The following FREM2 variants were observed in gnomAD, a reference collection of about 807,000 sequenced individuals.
FREM2 encodes FRAS1-related extracellular matrix protein 2.
Under a neutral mutation model 219.9 loss-of-function variants are expected in FREM2, and 119 were observed. That is an observed-to-expected ratio of 0.54 (90% CI 0.47 to 0.63). FREM2 has a LOEUF of 0.63. FREM2 is among the 30% of genes least tolerant of loss of function. The probability of loss-of-function intolerance (pLI) is 0.00; values close to 1 mark genes in which losing one functional copy is unlikely to be tolerated. For synonymous variants in FREM2, 1,562 were observed against 1,522.8 expected (o/e 1.03, Z -0.60); for missense variants, 4,030 against 3,993.6 (o/e 1.01, Z -0.25).
At chr13:38,877,350 T>C in intron 21 of FREM2, 107 bp downstream of exon 21, 1 of 1,270,414 alleles carries the variant, frequency 7.9e-7, no homozygotes, top group South Asian at 1.2e-5. Context: ...TTTTTTATGG[T>C]TTTGAGAATG....
chr13:38,697,699 T>C lies in FREM2; in HGVS notation c.5175T>C (p.Ala1725=), dbSNP rs769034103. ...TCTTGTTTTTTGGTTATTTTCTAGCTGACATTGATGACATGAAAATATGCT... is the reference window on the plus strand; with the variant it reads ...TCTTGTTTTTTGGTTATTTTCTAGCCGACATTGATGACATGAAAATATGCT... ...GNHSITQFTQ[A]DIDDMKICYV... Residue 1725 remains alanine (A), a splice_region_variant and synonymous_variant, in exon 2 of 24, where the codon GCT becomes GCC. Coordinates refer to ENST00000280481, the MANE Select transcript of FREM2 (RefSeq NM_207361.6). 7 of 1,562,972 alleles carry C rather than the reference T, an allele frequency of 4.5e-6. No homozygotes were observed. The African/African-American group carries it at 8.1e-5, about 18-fold the overall frequency.
At chr13:38,771,385 A>G (rs939976507) in intron 4 of FREM2, among the ~76,000 whole-genome samples, 1 of 152,158 alleles carries the variant, frequency 6.6e-6, no homozygotes, top group Non-Finnish European at 1.5e-5. Context: ...TTAAAACTGG[A>G]AGCCATTTTT....
At position 38,784,659 on chromosome 13, in the gene FREM2, G is replaced by A. The variant is rs184872751; in HGVS notation, c.5870G>A (p.Arg1957Gln). Reference sequence around the variant, plus strand: ...GTTGTCCGCTTTGACAAAGATGAACGGGAGAAACTGTGTCGGATAGTCATA... The same window carrying A: ...GTTGTCCGCTTTGACAAAGATGAACAGGAGAAACTGTGTCGGATAGTCATA... Reference protein sequence around the residue: ...TSVVRFDKDEREKLCRIVIID... With the variant: ...TSVVRFDKDEQEKLCRIVIID... Residue 1957 changes from arginine (R) to glutamine (Q), a missense_variant, in exon 6 of 24, where the codon CGG becomes CAG. Coordinates refer to ENST00000280481, the MANE Select transcript of FREM2 (RefSeq NM_207361.6). 57 of 1,614,132 alleles carry A rather than the reference G, an allele frequency of 3.5e-5. No individual in the cohort carries two copies. In the African/African-American group the frequency reaches 4.8e-4, roughly 14 times the overall value.
chr13:38,814,909 T>C (rs912095227), intron 6 of FREM2, among the ~76,000 whole-genome samples: 2 of 152,174 alleles, frequency 1.3e-5, no homozygotes, highest in Non-Finnish European at 1.5e-5. Flanking sequence ...GCCCAAGGGC[T>C]TTTCTCTTAG....
Position 38,872,630 on chromosome 13 carries a change from C to G in FREM2, c.7984-112C>G, listed in dbSNP as rs970047991. On this transcript the variant is annotated intron_variant, in intron 16 of 23. Transcript: ENST00000280481. ...ATAAAATGCTGTCATTTCCTCTTCTCAATGATTACTCAAAATCTTCAGTTA... is the reference window on the plus strand; with the variant it reads ...ATAAAATGCTGTCATTTCCTCTTCTGAATGATTACTCAAAATCTTCAGTTA... 194 of 863,190 alleles carry G rather than the reference C, an allele frequency of 2.2e-4. 4 individuals carry two copies. The South Asian group carries it at 2.8e-3, about 12-fold the overall frequency. The allele number at this position is 863,190 out of a possible 1,614,324, so 53.5% of individuals were successfully genotyped here.
At chr13:38,834,760 T>C (rs1016076173) in intron 6 of FREM2, among the ~76,000 whole-genome samples, 2 of 152,244 alleles carry the variant, frequency 1.3e-5, no homozygotes, top group African/African-American at 2.4e-5. Flanking sequence ...TTGAAAAGCA[T>C]CTGTTCATAT....
In FREM2 at chr13:38,769,701, G is replaced by A. The variant is rs1427850695; in HGVS notation, c.5534G>A (p.Gly1845Glu). The A allele has an allele frequency of 6.2e-7, 1 of 1,614,132 alleles. No homozygotes were observed. The highest frequency in any genetic ancestry group is 1.7e-5 in the Admixed American group (1 of 60,022). The change falls in exon 4 of 24, where the codon GGG (glycine) becomes GAG (glutamate). Residue 1845 changes from glycine (G) to glutamate (E), a missense_variant. Gly to Glu is a moderately conservative substitution (Grantham distance 98, BLOSUM62 -2). Coordinates refer to ENST00000280481, the MANE Select transcript of FREM2 (RefSeq NM_207361.6). ...TGGCGAGTGCGGATCCTGAGTGATG[G>A]GGAGCATGAGCAGTCTGAAACCTTT... ...ATWRVRILSD[G>E]EHEQSETFQV...
At chr13:38,838,464 C>T (rs937368149) in intron 6 of FREM2, among the ~76,000 whole-genome samples, 6 of 152,118 alleles carry the variant, frequency 3.9e-5, no homozygotes, top group Non-Finnish European at 7.4e-5. Flanking sequence ...CAAGGAGTAT[C>T]TTTGTGGTGT....
At chr13:38,737,033 A>T (rs1032202152) in intron 2 of FREM2, among the ~76,000 whole-genome samples, 8 of 152,164 alleles carry the variant, frequency 5.3e-5, no homozygotes, top group African/African-American at 1.7e-4. Context: ...CATTCTCATC[A>T]TGGGAACCAT....
intron 12 of FREM2, among the ~76,000 whole-genome samples, 189 bp downstream of exon 12, chr13:38,856,445 A>G (rs771405095): frequency 1.3e-5 from 2 of 152,138 alleles, no homozygotes; most frequent in Non-Finnish European, 2.9e-5. Flanking sequence ...AGAAATGTGC[A>G]TCTTTTTCTT....
chr13:38,745,546 G>A (rs1428006036), intron 2 of FREM2, among the ~76,000 whole-genome samples: 1 of 152,104 alleles, frequency 6.6e-6, no homozygotes, highest in Non-Finnish European at 1.5e-5. Context: ...ATATGGTTTT[G>A]TCTTTTCTAT....
intron 6 of FREM2, among the ~76,000 whole-genome samples, chr13:38,829,947 C>G (rs1876441300): frequency 6.6e-6 from 1 of 151,984 alleles, no homozygotes; most frequent in Admixed American, 6.6e-5. Context: ...ATTACTTTTA[C>G]CAGTCTTCTC....
At chr13:38,857,369 C>G (rs1408893731) in intron 12 of FREM2, among the ~76,000 whole-genome samples, 1 of 152,126 alleles carries the variant, frequency 6.6e-6, no homozygotes, top group Admixed American at 6.6e-5. Flanking sequence ...TCTCCCCTGC[C>G]TGGGTTTCAG....
chr13:38,768,067 G>A (rs752005355), intron 3 of FREM2, among the ~76,000 whole-genome samples: 23 of 152,156 alleles, frequency 1.5e-4, no homozygotes, highest in Admixed American at 5.2e-4. Flanking sequence ...CCAGCACATG[G>A]AATAGAGCCT....
At chr13:38,779,947 A>G (rs768998340) in intron 4 of FREM2, among the ~76,000 whole-genome samples, 2 of 151,942 alleles carry the variant, frequency 1.3e-5, no homozygotes, top group Non-Finnish European at 2.9e-5. Context: ...TCTCAGCCTC[A>G]TTTGCTCGGT....
At chr13:38,692,758 C>T (rs1394481784) in intron 1 of FREM2, among the ~76,000 whole-genome samples, 2 of 152,222 alleles carry the variant, frequency 1.3e-5, no homozygotes, top group Non-Finnish European at 2.9e-5. Context: ...GATAGGCTGC[C>T]GAAGCAGGAG....
intron 2 of FREM2, among the ~76,000 whole-genome samples, chr13:38,762,649 G>C (rs1014498635): frequency 6.6e-6 from 1 of 152,058 alleles, no homozygotes; most frequent in Non-Finnish European, 1.5e-5. Context: ...ATGTTGGTTA[G>C]GCTGGGCTTG....
intron 2 of FREM2, among the ~76,000 whole-genome samples, chr13:38,736,958 A>G (rs1448454163): frequency 6.6e-6 from 1 of 151,834 alleles, no homozygotes; most frequent in Non-Finnish European, 1.5e-5. Flanking sequence ...TCCCTGGCTC[A>G]AATGTTCCTA....
chr13:38,715,450 A>T (rs1300837542), intron 2 of FREM2, among the ~76,000 whole-genome samples: 1 of 152,188 alleles, frequency 6.6e-6, no homozygotes, highest in Admixed American at 6.5e-5. Flanking sequence ...AAGGAGATGC[A>T]CATGGCCCTT....
Sources: gnomAD v4.1 joint callset for allele counts (sites outside exome capture counted in the v4.1 genomes callset) on GRCh38, gnomAD v4.1.1 for gene constraint, MANE v1.5 for transcripts, NCBI Gene and HGNC (gene_info 2026-07-23, HGNC 2026-07-21) for gene names.